Variants in TPD52L1 observed in about 807,000 individuals in gnomAD.
The protein encoded by TPD52L1 is TPD52 like 1.
A neutral mutation model predicts 28.7 loss-of-function variants in TPD52L1; 18 were observed. That is an observed-to-expected ratio of 0.63 (90% CI 0.43 to 0.93). The LOEUF (loss-of-function observed/expected upper bound fraction) is 0.93, where lower values mean the gene tolerates loss of function less well. Among genes scored for constraint, TPD52L1 ranks in the 40% least tolerant of loss-of-function variants. TPD52L1 has a pLI of 0.00. For missense variants in TPD52L1, 203 were observed against 254.8 expected (o/e 0.80, Z 1.39); for synonymous variants, 75 against 88.8 (o/e 0.84, Z 0.88).
chr6:125,154,976 T>C (rs1460711296), intron 1 of TPD52L1, among the ~76,000 whole-genome samples: 1 of 151,990 alleles, frequency 6.6e-6, no homozygotes, highest in Non-Finnish European at 1.5e-5. Flanking sequence ...GCTCGCCCTC[T>C]AGGGGCAGAA....
In TPD52L1 at chr6:125,231,796, G is replaced by A. The variant is rs971121508; in HGVS notation, c.284+2530G>A. On this transcript the variant is annotated intron_variant, in intron 3 of 6. Transcript: ENST00000534000. ...CTGAGTGAGTGTTGGAACTGTTTAC[G>A]AGCATTGTGGTTAGGCTCATGGTTG... Among the ~76,000 whole-genome samples the A allele has an allele frequency of 3.9e-5, 6 of 152,270 alleles. No individual in the cohort carries two copies. The East Asian group carries it at 7.7e-4, about 20-fold the overall frequency.
At chr6:125,183,825 G>A (rs1468302105) in intron 1 of TPD52L1, among the ~76,000 whole-genome samples, 4 of 152,192 alleles carry the variant, frequency 2.6e-5, no homozygotes, top group African/African-American at 9.6e-5. Flanking sequence ...AACATAAATG[G>A]AATAAATGGA....
chr6:125,199,071 T>C (rs1463932562), intron 1 of TPD52L1, among the ~76,000 whole-genome samples: 1 of 152,236 alleles, frequency 6.6e-6, no homozygotes, highest in African/African-American at 2.4e-5. Context: ...ACAAAAAGCC[T>C]ATCAAATCTA....
At chr6:125,254,612 T>C (rs1485829101) in intron 5 of TPD52L1, among the ~76,000 whole-genome samples, 1 of 152,150 alleles carries the variant, frequency 6.6e-6, no homozygotes, top group Non-Finnish European at 1.5e-5. Context: ...ACCTGCTTTA[T>C]ATTGATGTTG....
chr6:125,188,116 A>G (rs552309281), intron 1 of TPD52L1, among the ~76,000 whole-genome samples: 167 of 152,346 alleles, frequency 1.1e-3, no homozygotes, highest in African/African-American at 3.9e-3. Context: ...GCATATATTA[A>G]TTAGTACATT....
chr6:125,222,901 A>C (rs1031625549), intron 2 of TPD52L1, among the ~76,000 whole-genome samples: 2 of 152,134 alleles, frequency 1.3e-5, no homozygotes, highest in Non-Finnish European at 2.9e-5. Flanking sequence ...AAGAAAAAGA[A>C]AACAAACTGT....
chr6:125,153,876 G>C lies in TPD52L1; in HGVS notation c.-76G>C. The C allele has an allele frequency of 1.3e-6, 2 of 1,529,478 alleles. No individual in the cohort carries two copies. Among genetic ancestry groups the C allele is most frequent in the South Asian group, 1.2e-5 (1 of 83,090 alleles). 94.7% of individuals were successfully genotyped at this position (1,529,478 alleles called of 1,614,324 possible). ...CGAGCGGCGGGGCCAGCTGCGTTCT[G>C]AGCCTGGGCGCAGCTGCCATCTGCT... On this transcript the variant is annotated 5_prime_UTR_variant, in exon 1 of 7. Coordinates refer to ENST00000534000, the MANE Select transcript of TPD52L1 (RefSeq NM_003287.4).
intron 2 of TPD52L1, 136 bp from the exon 3 acceptor site, chr6:125,228,982 G>A (rs113636633): frequency 2.2e-4 from 155 of 714,130 alleles, no homozygotes; most frequent in African/African-American, 2.1e-3. Context: ...TCTGTATGGG[G>A]TGTATTTGGC....
chr6:125,159,577 G>T (rs1790373676), intron 1 of TPD52L1, among the ~76,000 whole-genome samples: 1 of 152,130 alleles, frequency 6.6e-6, no homozygotes, highest in African/African-American at 2.4e-5. Flanking sequence ...CACCTCCCAT[G>T]AATTACGAAT....
chr6:125,252,221 C>T, intron 4 of TPD52L1: 1 of 587,108 alleles, frequency 1.7e-6, no homozygotes, highest in South Asian at 2.5e-5. Flanking sequence ...TATTGAAGTA[C>T]ATCTCTATCT....
chr6:125,165,578 A>G (rs1020556260), intron 1 of TPD52L1, among the ~76,000 whole-genome samples: 1 of 152,230 alleles, frequency 6.6e-6, no homozygotes, highest in African/African-American at 2.4e-5. Flanking sequence ...CCACACATGA[A>G]AAATGCATGT....
At chr6:125,218,173 T>C (rs745349199) in intron 1 of TPD52L1, among the ~76,000 whole-genome samples, 2 of 152,212 alleles carry the variant, frequency 1.3e-5, no homozygotes, top group Non-Finnish European at 2.9e-5. Context: ...CCATGCTAAA[T>C]CATTTTCCAA....
intron 3 of TPD52L1, among the ~76,000 whole-genome samples, chr6:125,242,959 C>A (rs1037182140): frequency 6.6e-6 from 1 of 152,070 alleles, no homozygotes; most frequent in Non-Finnish European, 1.5e-5. Context: ...AGATTTAGAA[C>A]TCCCTTGAGC....
intron 1 of TPD52L1, among the ~76,000 whole-genome samples, chr6:125,164,387 C>G (rs1173756233): frequency 6.6e-6 from 1 of 152,052 alleles, no homozygotes; most frequent in Non-Finnish European, 1.5e-5. Context: ...ATGAAGAATT[C>G]TATAAAAATC....
intron 1 of TPD52L1, among the ~76,000 whole-genome samples, chr6:125,169,608 T>C (rs11755133): frequency 0.011 from 1,673 of 152,330 alleles, 17 homozygotes; most frequent in Non-Finnish European, 0.018. Flanking sequence ...ATGCCAGCTC[T>C]ACTTTCAAGA....
chr6:125,221,151 A>G (rs1324881128), intron 2 of TPD52L1, among the ~76,000 whole-genome samples: 1 of 152,224 alleles, frequency 6.6e-6, no homozygotes, highest in East Asian at 1.9e-4. Context: ...AAAGATTTTC[A>G]GGTGCTTTTA....
At chr6:125,157,451 G>A (rs1256404558) in intron 1 of TPD52L1, among the ~76,000 whole-genome samples, 1 of 152,176 alleles carries the variant, frequency 6.6e-6, no homozygotes, top group Admixed American at 6.5e-5. Context: ...ACAGGAAGTG[G>A]GATTATGGGT....
intron 4 of TPD52L1, chr6:125,252,107 T>C: frequency 2.0e-6 from 3 of 1,508,696 alleles, no homozygotes; most frequent in Non-Finnish European, 2.7e-6. Context: ...CAGGGCTCCC[T>C]GTTTCTTTCA....
chr6:125,254,745 C>A (rs935065752), intron 5 of TPD52L1, among the ~76,000 whole-genome samples: 2 of 152,030 alleles, frequency 1.3e-5, no homozygotes, highest in Non-Finnish European at 2.9e-5. Context: ...GAAATTCTTC[C>A]TAGGGTCATT....
Sources: gnomAD v4.1 joint callset for allele counts (sites outside exome capture counted in the v4.1 genomes callset) on GRCh38, gnomAD v4.1.1 for gene constraint, MANE v1.5 for transcripts, NCBI Gene and HGNC (gene_info 2026-07-23, HGNC 2026-07-21) for gene names.